ADGRL1: variants seen among roughly 807,000 people sequenced by gnomAD.
ADGRL1 encodes the protein adhesion G protein-coupled receptor L1.
ADGRL1 carries 31 observed loss-of-function variants against 148.9 expected under a neutral mutation model. That is an observed-to-expected ratio of 0.21 (90% CI 0.16 to 0.28). ADGRL1 has a LOEUF of 0.28. ADGRL1 is among the 10% of genes least tolerant of loss of function. The pLI is 1.00. For synonymous variants in ADGRL1, 937 were observed against 900.3 expected (o/e 1.04, Z -0.73); for missense variants, 1,521 against 2,058.8 (o/e 0.74, Z 5.05).
At chr19:14,203,991 G>A (rs1972790035) in intron 1 of ADGRL1, among the ~76,000 whole-genome samples, 2 of 152,148 alleles carry the variant, frequency 1.3e-5, no homozygotes, top group Admixed American at 1.3e-4. Flanking sequence ...GGAGGGCCGG[G>A]ACCCACATGT....
At chr19:14,191,493 G>A (rs1024875739) in intron 1 of ADGRL1, 6 of 455,862 alleles carry the variant, frequency 1.3e-5, no homozygotes, top group African/African-American at 2.0e-5. Flanking sequence ...CTATTAGCTC[G>A]GGCTGCCATA....
At position 14,157,568 on chromosome 19, in the gene ADGRL1, A is replaced by T; in HGVS notation, c.2536-108T>A. On this transcript the variant is annotated intron_variant, in intron 13 of 22. Transcript: ENST00000361434. This position sits in a 1 kb window ranked among gnomAD's most constrained non-coding sequence, Gnocchi z 7.5. ...CTGGGCAAGGCCATGGGCCGTGAGG[A>T]CCTCTGGTGCCGCCAACCTGGCAGC... The T allele has an allele frequency of 8.8e-7, 1 of 1,135,442 alleles. No homozygotes were observed. Among genetic ancestry groups the T allele is most frequent in the Non-Finnish European group, 1.3e-6 (1 of 781,458 alleles). The allele number at this position is 1,135,442 out of a possible 1,614,324, so 70.3% of individuals were successfully genotyped here.
rs974184124 is a variant in ADGRL1, at chr19:14,159,021, C to T, written c.2149+69G>A. On this transcript the variant is annotated intron_variant, in intron 11 of 22. Transcript: ENST00000361434. This position sits in a 1 kb window ranked among gnomAD's most constrained non-coding sequence, Gnocchi z 6.0. ...CTGCCCTCTACAAATGGCACAGAGA[C>T]GCTGGCACAGAGCTGGGGGGTGGGG... 31 of 1,587,072 alleles carry T rather than the reference C, an allele frequency of 2.0e-5. 1 individual carries two copies. The East Asian group carries it at 2.0e-4, about 10-fold the overall frequency.
In ADGRL1 at chr19:14,160,111, C is replaced by T; in HGVS notation, c.1800+1G>A. The T allele has an allele frequency of 6.3e-7, 1 of 1,578,606 alleles. No homozygotes were observed. Among genetic ancestry groups the T allele is most frequent in the Non-Finnish European group, 8.7e-7 (1 of 1,153,380 alleles). On this transcript the variant is annotated splice_donor_variant, in intron 8 of 22. Transcript: ENST00000361434. LOFTEE classifies it high-confidence loss of function. The surrounding 1 kb of genome is among the most constrained non-coding windows in gnomAD (Gnocchi z 5.9). ...AGGTCAGCGCCACCGCCAGGCCCCA[C>T]CTTGTTGTAGTTCTTGCCGGCTGAC... is the stretch of plus-strand genomic sequence containing the variant.
In ADGRL1 at chr19:14,160,467, T is replaced by C; in HGVS notation, c.1614+126A>G. The C allele has an allele frequency of 1.1e-6, 1 of 914,490 alleles. No homozygotes were observed. Among genetic ancestry groups the C allele is most frequent in the Admixed American group, 2.8e-5 (1 of 35,290 alleles). The allele number at this position is 914,490 out of a possible 1,614,324, so 56.6% of individuals were successfully genotyped here. On this transcript the variant is annotated intron_variant, in intron 7 of 22. Transcript: ENST00000361434. This position sits in a 1 kb window ranked among gnomAD's most constrained non-coding sequence, Gnocchi z 5.9. ...CTGCTCCCTTTGTAGGCCAGGGAGG[T>C]GACCCCACAGTCCTGCCTTCCAGAC...
chr19:14,202,031 G>A (rs1456433762), intron 1 of ADGRL1, among the ~76,000 whole-genome samples: 1 of 152,086 alleles, frequency 6.6e-6, no homozygotes, highest in Non-Finnish European at 1.5e-5. Flanking sequence ...GTCCTCCGTG[G>A]CAGAACAGCC....
intron 1 of ADGRL1, among the ~76,000 whole-genome samples, chr19:14,198,609 C>T (rs1311973846): frequency 6.6e-6 from 1 of 152,108 alleles, no homozygotes. Context: ...CCTCTACCCC[C>T]ACCCCTGCCA....
Position 14,160,735 on chromosome 19 carries a change from A to G in ADGRL1, c.1511-39T>C. 8.2e-7 allele frequency: 1 copy of G among 1,212,540 alleles called. No individual in the cohort carries two copies. The highest frequency in any genetic ancestry group is 2.3e-5 in the East Asian group (1 of 42,786). The allele number at this position is 1,212,540 out of a possible 1,614,324, so 75.1% of individuals were successfully genotyped here. On this transcript the variant is annotated intron_variant, in intron 6 of 22. Coordinates refer to ENST00000361434, the MANE Select transcript of ADGRL1 (RefSeq NM_014921.5). This position sits in a 1 kb window ranked among gnomAD's most constrained non-coding sequence, Gnocchi z 5.9. ...CAGACAGGAACAGACAAGGGAGCCA[A>G]AGGGAAGAAGAGAAGGATGGGACAG...
intron 4 of ADGRL1, among the ~76,000 whole-genome samples, chr19:14,164,963 T>G (rs1969812735): frequency 1.3e-5 from 2 of 152,284 alleles, no homozygotes; most frequent in Admixed American, 6.5e-5. Context: ...TTGCAGTGAA[T>G]TCTCTGCTCT....
rs1046025379 is a variant in ADGRL1, at chr19:14,149,354, CCA to C, written c.*1517_*1518del. The C allele has an allele frequency of 6.5e-5, 10 of 152,770 alleles. No individual in the cohort carries two copies. In the East Asian group the frequency reaches 1.9e-3, roughly 29 times the overall value. 9.5% of individuals were successfully genotyped at this position (152,770 alleles called of 1,614,324 possible). Reference sequence around the variant, plus strand: ...TCTCACCTTTGCCCCTCCCCATCCCCCAGACCGCCTTGCCGTTCCCAGCACCC... The same window carrying C: ...TCTCACCTTTGCCCCTCCCCATCCCCGACCGCCTTGCCGTTCCCAGCACCC... On this transcript the variant is annotated 3_prime_UTR_variant, in exon 23 of 23. Coordinates refer to ENST00000361434, the MANE Select transcript of ADGRL1 (RefSeq NM_014921.5).
chr19:14,174,535 ATTTTTT>A (rs35665946), intron 3 of ADGRL1, among the ~76,000 whole-genome samples: 2 of 136,624 alleles, frequency 1.5e-5, no homozygotes, highest in African/African-American at 5.6e-5. Context: ...GGTAACACAC[ATTTTTT>A]TTTTTTTTTT....
chr19:14,150,763 A>G lies in ADGRL1; in HGVS notation c.*110T>C. The G allele has an allele frequency of 7.5e-7, 1 of 1,335,870 alleles. No individual in the cohort carries two copies. The highest frequency in any genetic ancestry group is 1.0e-6 in the Non-Finnish European group (1 of 977,552). 82.8% of individuals were successfully genotyped at this position (1,335,870 alleles called of 1,614,324 possible). A position where few individuals can be genotyped will look rare whatever the true frequency, so the allele number is the denominator to read the frequency against. On this transcript the variant is annotated 3_prime_UTR_variant, in exon 23 of 23. Transcript: ENST00000361434. ...GGGCCCATGGCTGAGGGGCACCTGG[A>G]GAGAGTGGCCCACCAGCCACTGCCT...
In ADGRL1 at chr19:14,158,500, G is replaced by A. The variant is rs774148918; in HGVS notation, c.2202C>T (p.Ser734=). The A allele has an allele frequency of 1.2e-6, 2 of 1,614,088 alleles. No homozygotes were observed. The highest frequency in any genetic ancestry group is 8.5e-7 in the Non-Finnish European group (1 of 1,180,034). Residue 734 remains serine, a synonymous_variant, in exon 12 of 23, where the codon TCC becomes TCT. Transcript: ENST00000361434. ...ILYNNLGLFL[S]TENATVKLAG... Reference sequence around the variant, plus strand: ...CCAGCTTCACTGTGGCATTCTCCGTGGACAGGAAGAGGCCCAGGTTGTTGT... The same window carrying A: ...CCAGCTTCACTGTGGCATTCTCCGTAGACAGGAAGAGGCCCAGGTTGTTGT...
intron 3 of ADGRL1, among the ~76,000 whole-genome samples, chr19:14,173,647 C>T (rs1970624408): frequency 6.6e-6 from 1 of 152,066 alleles, no homozygotes; most frequent in African/African-American, 2.4e-5. Context: ...CAAACATCCA[C>T]CAACAAATGA....
In ADGRL1 at chr19:14,155,416, G is replaced by T; in HGVS notation, c.3237C>A (p.Thr1079=). 6.2e-7 allele frequency: 1 copy of T among 1,614,172 alleles called. No individual in the cohort carries two copies. Among genetic ancestry groups the T allele is most frequent in the Non-Finnish European group, 8.5e-7 (1 of 1,180,016 alleles). ...TGAAGACCCCCTGGAAGGCGTTGAA[G>T]GTGGTGAAGAGATAGGCCATGACCA... The part of the protein sequence containing the change: ...ESVVMAYLFT[T]FNAFQGVFIF... Residue 1079 remains threonine, a synonymous_variant, in exon 18 of 23, where the codon ACC becomes ACA. Transcript: ENST00000361434. This position sits in a 1 kb window ranked among gnomAD's most constrained non-coding sequence, Gnocchi z 5.0.
intron 3 of ADGRL1, among the ~76,000 whole-genome samples, chr19:14,172,903 T>C (rs1259621768): frequency 6.6e-6 from 1 of 152,202 alleles, no homozygotes; most frequent in African/African-American, 2.4e-5. Context: ...TGTAACAATA[T>C]TTTACTACTA....
intron 1 of ADGRL1, among the ~76,000 whole-genome samples, chr19:14,192,705 C>T (rs971652520): frequency 6.6e-6 from 1 of 152,054 alleles, no homozygotes; most frequent in African/African-American, 2.4e-5. Context: ...CACAGGCCAC[C>T]ACACCTGGCT....
Position 14,151,015 on chromosome 19 carries a change from G to T in ADGRL1, c.4268C>A (p.Pro1423Gln), listed in dbSNP as rs201626653. 6.6e-5 allele frequency: 103 copies of T among 1,567,144 alleles called. 1 individual carries two copies. In the African/African-American group the frequency reaches 1.2e-3, roughly 18 times the overall value. The change falls in exon 23 of 23, where the codon CCG becomes CAG. Residue 1423 changes from proline (P) to glutamine (Q), a missense_variant. By Grantham distance (76) the Pro-to-Gln change is moderately conservative. This residue lies in a region of ADGRL1 where 390 missense variants were observed against 375.0 expected (regional missense o/e 1.04). Coordinates refer to ENST00000361434, the MANE Select transcript of ADGRL1 (RefSeq NM_014921.5). ...GPPEIYYTSRPPALVARNPLQ... is the reference protein window; with the variant it reads ...GPPEIYYTSRQPALVARNPLQ... ...GGGATTCCGGGCCACCAGGGCTGGC[G>T]GGCGCGAGGTGTAGTAGATTTCGGG...
intron 16 of ADGRL1, among the ~76,000 whole-genome samples, 195 bp downstream of exon 16, chr19:14,156,463 G>A (rs1017764340): frequency 2.0e-5 from 3 of 151,878 alleles, no homozygotes; most frequent in African/African-American, 2.4e-5. Flanking sequence ...CCCCCCAGGC[G>A]AGCAGCCCTC....
Sources: allele counts gnomAD v4.1 joint callset (sites outside exome capture counted in the v4.1 genomes callset), GRCh38; gene constraint gnomAD v4.1.1; regional missense constraint gnomAD v4.1.1; non-coding constraint Gnocchi (gnomAD v3.1); transcripts MANE v1.5; gene names NCBI Gene and HGNC (gene_info 2026-07-23, HGNC 2026-07-21).